Variants in CCDC102A observed in about 807,000 individuals in gnomAD.
CCDC102A encodes the protein coiled-coil domain containing 102A, also known as coiled-coil domain-containing protein 102A.
Under a neutral mutation model 55.5 loss-of-function variants are expected in CCDC102A, and 40 were observed. That is an observed-to-expected ratio of 0.72 (90% CI 0.56 to 0.94). The LOEUF is 0.94. Ranked by LOEUF, CCDC102A falls within the 40% of genes least tolerant of loss-of-function variation. The pLI is 0.00. For missense variants in CCDC102A, 779 were observed against 768.6 expected, an observed-to-expected ratio of 1.01 and a Z score of -0.16; for synonymous variants, 323 against 339.0, an observed-to-expected ratio of 0.95 and a Z score of 0.52.
chr16:57,518,235 G>A lies in CCDC102A; in HGVS notation c.1081C>T (p.Arg361Trp), dbSNP rs553247142. The change falls in exon 6 of 9, where the codon CGG (arginine) becomes TGG (tryptophan). Residue 361 changes from arginine (R) to tryptophan (W), a missense_variant. Arg to Trp is a moderately radical substitution (Grantham distance 101). Transcript: ENST00000258214. ...QAENAAEWGR[R>W]ERLETEKLGL... Reference sequence around the variant, plus strand: ...AGTTTCTCTGTCTCCAGCCGCTCCCGGCGGCCCCACTCCGCAGCGTTTTCG... The same window carrying A: ...AGTTTCTCTGTCTCCAGCCGCTCCCAGCGGCCCCACTCCGCAGCGTTTTCG... 33 of 1,611,598 alleles carry A rather than the reference G, an allele frequency of 2.0e-5. No individual in the cohort carries two copies. Among genetic ancestry groups the A allele is most frequent in the Non-Finnish European group, 2.5e-5 (30 of 1,179,924 alleles).
intron 8 of CCDC102A, among the ~76,000 whole-genome samples, chr16:57,514,375 T>A (rs1306569904): frequency 1.3e-5 from 2 of 152,156 alleles, no homozygotes; most frequent in Admixed American, 6.5e-5. Context: ...AAGTTTTGTA[T>A]TTTTTGTAGA....
At chr16:57,519,622 C>T (rs1279113826) in intron 4 of CCDC102A, among the ~76,000 whole-genome samples, 1 of 152,260 alleles carries the variant, frequency 6.6e-6, no homozygotes, top group African/African-American at 2.4e-5. Context: ...GAGGGAGAGA[C>T]ACCAGATACA....
At chr16:57,532,673 G>C (rs2032288477) in intron 1 of CCDC102A, among the ~76,000 whole-genome samples, 1 of 150,782 alleles carries the variant, frequency 6.6e-6, no homozygotes, top group Non-Finnish European at 1.5e-5. Context: ...CATGCAAGGA[G>C]ACATGCTCAT....
chr16:57,518,665 C>G lies in CCDC102A; in HGVS notation c.998G>C (p.Arg333Pro). 6.2e-7 allele frequency: 1 copy of G among 1,613,828 alleles called. No individual in the cohort carries two copies. The highest frequency in any genetic ancestry group is 8.5e-7 in the Non-Finnish European group (1 of 1,179,960). Residue 333 changes from arginine to proline, a missense_variant, in exon 5 of 9, where the codon CGC becomes CCC. By Grantham distance (103) the Arg-to-Pro change is moderately radical. Coordinates refer to ENST00000258214, the MANE Select transcript of CCDC102A (RefSeq NM_033212.4). ...SEDLEDELGA[R>P]SSMDRKMAEL... is the part of the protein sequence containing the mutation. ...GGCCATTTTCCGGTCCATGCTGGAG[C>G]GTGCACCGAGCTCATCTTCCAGGTC... is the stretch of plus-strand genomic sequence containing the variant.
At chr16:57,531,686 C>A in intron 1 of CCDC102A, among the ~76,000 whole-genome samples, 1 of 152,176 alleles carries the variant, frequency 6.6e-6, no homozygotes, top group East Asian at 1.9e-4. Context: ...GCAGGAGCCG[C>A]AAGCCACTGA....
At chr16:57,528,490 G>A (rs2032182411) in intron 2 of CCDC102A, 103 bp downstream of exon 2, 2 of 846,386 alleles carry the variant, frequency 2.4e-6, no homozygotes, top group African/African-American at 1.8e-5. Flanking sequence ...AAACCTCCAG[G>A]AGGCCAGGCC....
chr16:57,513,347 G>A (rs904141381), intron 8 of CCDC102A, among the ~76,000 whole-genome samples: 2 of 152,170 alleles, frequency 1.3e-5, no homozygotes, highest in Non-Finnish European at 2.9e-5. Flanking sequence ...CAAAATTTAC[G>A]AGGAAAACTT....
intron 5 of CCDC102A, 116 bp downstream of exon 5, chr16:57,518,509 C>T: frequency 2.2e-6 from 2 of 904,418 alleles, no homozygotes; most frequent in Non-Finnish European, 3.5e-6. Context: ...TTGGATGTGG[C>T]TGGCCCCGCT....
At position 57,533,945 on chromosome 16, in the gene CCDC102A, G is replaced by A. The variant is rs953134734; in HGVS notation, c.-148+2555C>T. ...TTCCCTTGGCATACTGCCCCACCAA[G>A]GGGCAGGTCACGGTGGGACCGGCCA... On this transcript the variant is annotated intron_variant, in intron 1 of 8. Transcript: ENST00000258214. 5.9e-5 allele frequency among the ~76,000 whole-genome samples: 9 copies of A among 152,212 alleles called. No homozygotes were observed. In the East Asian group the frequency reaches 1.7e-3, roughly 29 times the overall value.
At position 57,512,508 on chromosome 16, in the gene CCDC102A, G is replaced by T; in HGVS notation, c.*233C>A. On this transcript the variant is annotated 3_prime_UTR_variant, in exon 9 of 9. Transcript: ENST00000258214. Reference sequence around the variant, plus strand: ...AAACCAAATGGGTCCAAAGACTTCTGGGTGTGCGCGCGCGCGCGCGCGTGT... The same window carrying T: ...AAACCAAATGGGTCCAAAGACTTCTTGGTGTGCGCGCGCGCGCGCGCGTGT... The T allele has an allele frequency of 2.2e-6, 1 of 446,236 alleles. No individual in the cohort carries two copies. The allele number at this position is 446,236 out of a possible 1,614,324, so 27.6% of individuals were successfully genotyped here.
intron 3 of CCDC102A, among the ~76,000 whole-genome samples, chr16:57,522,107 G>T (rs755122610): frequency 6.6e-6 from 1 of 152,240 alleles, no homozygotes; most frequent in Non-Finnish European, 1.5e-5. Flanking sequence ...GACATTGCTC[G>T]GGGTAGAGAT....
In CCDC102A at chr16:57,516,626, G is replaced by C; in HGVS notation, c.1249-163C>G. On this transcript the variant is annotated intron_variant, in intron 6 of 8. Transcript: ENST00000258214. This position sits in a 1 kb window ranked among gnomAD's most constrained non-coding sequence, Gnocchi z 4.4. ...CTGAAGTATCAGCAGTAGAGGTTTG[G>C]CTGAGCAGCCAGAGGCTGGAGGTGC... is the stretch of plus-strand genomic sequence containing the variant. 1 of 656,566 alleles carries C rather than the reference G, an allele frequency of 1.5e-6. No homozygotes were observed. Among genetic ancestry groups the C allele is most frequent in the South Asian group, 1.9e-5 (1 of 53,630 alleles). 40.7% of individuals were successfully genotyped at this position (656,566 alleles called of 1,614,324 possible). A position where few individuals can be genotyped will look rare whatever the true frequency, so the allele number is the denominator to read the frequency against.
chr16:57,513,817 G>A (rs2031908627), intron 8 of CCDC102A, among the ~76,000 whole-genome samples: 1 of 152,244 alleles, frequency 6.6e-6, no homozygotes, highest in Non-Finnish European at 1.5e-5. Context: ...CCAGGCAGAT[G>A]GGGAAATCGA....
In CCDC102A at chr16:57,512,231, A is replaced by G; in HGVS notation, c.*510T>C. On this transcript the variant is annotated 3_prime_UTR_variant, in exon 9 of 9. Coordinates refer to ENST00000258214, the MANE Select transcript of CCDC102A (RefSeq NM_033212.4). ...ACTTGACATTCCTGAGCTCTGGTTC[A>G]GCGTCAGGTGCAGGCCGATGCCGTC... 2.5e-6 allele frequency: 1 copy of G among 394,042 alleles called. No individual in the cohort carries two copies. The highest frequency in any genetic ancestry group is 2.1e-5 in the African/African-American group (1 of 48,602). 24.4% of individuals were successfully genotyped at this position (394,042 alleles called of 1,614,324 possible).
chr16:57,515,098 C>T (rs994376135), intron 8 of CCDC102A, among the ~76,000 whole-genome samples: 4 of 152,170 alleles, frequency 2.6e-5, no homozygotes, highest in African/African-American at 7.2e-5. Context: ...CCTCACTCTA[C>T]CCACCAGCCC....
chr16:57,518,834 C>T, intron 4 of CCDC102A, 93 bp from the exon 5 acceptor site: 4 of 971,054 alleles, frequency 4.1e-6, no homozygotes, highest in South Asian at 1.4e-5. Context: ...GAGTGCTCAG[C>T]GTGGAGCCAA....
chr16:57,517,767 T>C (rs1179088523), intron 6 of CCDC102A, among the ~76,000 whole-genome samples: 1 of 152,228 alleles, frequency 6.6e-6, no homozygotes, highest in Non-Finnish European at 1.5e-5. Flanking sequence ...GGCATGAATC[T>C]GTGTGACAGA....
chr16:57,518,821 C>T, intron 4 of CCDC102A, 80 bp from the exon 5 acceptor site: 1 of 1,084,644 alleles, frequency 9.2e-7, no homozygotes, highest in Non-Finnish European at 1.4e-6. Flanking sequence ...GGCGCCAGTG[C>T]AGGAGTGCTC....
chr16:57,523,011 C>T lies in CCDC102A; in HGVS notation c.813-1835G>A, dbSNP rs180866805. 1.3e-4 allele frequency among the ~76,000 whole-genome samples: 20 copies of T among 152,038 alleles called. No homozygotes were observed. In the East Asian group the frequency reaches 3.3e-3, roughly 25 times the overall value. Reference sequence around the variant, plus strand: ...GTGAAAACCTGTCTCTACTAAAATACGAAGAATTAGCTGGGCGTGGTGGTG... The same window carrying T: ...GTGAAAACCTGTCTCTACTAAAATATGAAGAATTAGCTGGGCGTGGTGGTG... On this transcript the variant is annotated intron_variant, in intron 3 of 8. Coordinates refer to ENST00000258214, the MANE Select transcript of CCDC102A (RefSeq NM_033212.4).
Sources: allele counts gnomAD v4.1 joint callset (sites outside exome capture counted in the v4.1 genomes callset), GRCh38; gene constraint gnomAD v4.1.1; non-coding constraint Gnocchi (gnomAD v3.1); transcripts MANE v1.5; gene names NCBI Gene and HGNC (gene_info 2026-07-23, HGNC 2026-07-21).